The following RAB5B variants were observed in gnomAD, a reference collection of about 807,000 sequenced individuals.
The protein encoded by RAB5B is ras-related protein Rab-5B.
In RAB5B, 11 loss-of-function variants were observed where a neutral mutation model predicts 28.6. The observed-to-expected ratio is 0.38, with a 90% CI of 0.24 to 0.64. The LOEUF is 0.64. RAB5B is among the 30% of genes least tolerant of loss of function. RAB5B has a pLI of 0.53. For missense variants in RAB5B, 169 were observed against 265.6 expected (o/e 0.64, Z 2.53); for synonymous variants, 93 against 97.9 (o/e 0.95, Z 0.29).
chr12:55,985,364 G>T (rs539497464), intron 1 of RAB5B, among the ~76,000 whole-genome samples: 1 of 152,338 alleles, frequency 6.6e-6, no homozygotes, highest in East Asian at 1.9e-4. Context: ...TATGATGTCT[G>T]TGAAGTCACT....
At position 55,992,237 on chromosome 12, in the gene RAB5B, A is replaced by G. The variant is rs1158337419; in HGVS notation, c.*25A>G. 1.9e-6 allele frequency: 3 copies of G among 1,559,514 alleles called. No individual in the cohort carries two copies. Among genetic ancestry groups the G allele is most frequent in the East Asian group, 2.2e-5 (1 of 44,592 alleles). ...AGGGGGTGGCTAGCAGCAAACAAGT[A>G]TGGAGCTAGCACAAGAGCTAAGAAA... On this transcript the variant is annotated 3_prime_UTR_variant, in exon 6 of 6. Transcript: ENST00000360299.
chr12:55,991,695 G>A (rs537981406), intron 5 of RAB5B: 90 of 451,036 alleles, frequency 2.0e-4, no homozygotes, highest in Admixed American at 6.4e-4. Flanking sequence ...TTGGGAGGCC[G>A]AGGCGGGCGG....
chr12:55,979,930 C>A (rs1457142581), intron 1 of RAB5B, among the ~76,000 whole-genome samples: 1 of 152,146 alleles, frequency 6.6e-6, no homozygotes, highest in Non-Finnish European at 1.5e-5. Flanking sequence ...TAACACTTGA[C>A]AAGTTGACTA....
At position 55,992,188 on chromosome 12, in the gene RAB5B, C is replaced by T. The variant is rs778265148; in HGVS notation, c.624C>T (p.Asn208=). 6.2e-7 allele frequency: 1 copy of T among 1,611,686 alleles called. No individual in the cohort carries two copies. Among genetic ancestry groups the T allele is most frequent in the Non-Finnish European group, 8.5e-7 (1 of 1,179,186 alleles). The change falls in exon 6 of 6, where the codon AAC becomes AAT. Residue 208 remains asparagine (N), a synonymous_variant. Transcript: ENST00000360299. ...GVDLHEQSQQ[N]KSQCCSN is the part of the protein sequence containing the mutation. The stretch of plus-strand genomic sequence containing the variant: ...ATCTCCATGAACAGTCCCAGCAGAA[C>T]AAGAGCCAGTGTTGTAGCAACTGAG...
intron 2 of RAB5B, among the ~76,000 whole-genome samples, chr12:55,989,316 C>T (rs78897871): frequency 6.6e-6 from 1 of 152,184 alleles, no homozygotes; most frequent in East Asian, 1.9e-4. Flanking sequence ...CTCTTGTTGC[C>T]CAGGCTGAAG....
chr12:55,989,336 G>A (rs1329509528), intron 2 of RAB5B, among the ~76,000 whole-genome samples: 4 of 152,042 alleles, frequency 2.6e-5, no homozygotes, highest in African/African-American at 9.7e-5. Context: ...GTGCAGTGGC[G>A]CCATCTTGGC....
At chr12:55,979,765 A>G (rs999849900) in intron 1 of RAB5B, among the ~76,000 whole-genome samples, 1 of 152,114 alleles carries the variant, frequency 6.6e-6, no homozygotes, top group African/African-American at 2.4e-5. Context: ...AACTGAATAG[A>G]GGCAGGAACT....
intron 1 of RAB5B, among the ~76,000 whole-genome samples, chr12:55,984,337 G>A (rs757580066): frequency 2.0e-5 from 3 of 151,926 alleles, no homozygotes; most frequent in Non-Finnish European, 4.4e-5. Flanking sequence ...CTACAGGCAC[G>A]CGCCACCACG....
Position 55,992,020 on chromosome 12 carries a change from C to T in RAB5B, c.533-77C>T, listed in dbSNP as rs528003623. On this transcript the variant is annotated intron_variant, in intron 5 of 5. Coordinates refer to ENST00000360299, the MANE Select transcript of RAB5B (RefSeq NM_002868.4). Reference sequence around the variant, plus strand: ...TCTCCCTTTTCCCCAATTCAGTAGCCGTTTTTGGCGGGTGGAGGCAGAGGG... The same window carrying T: ...TCTCCCTTTTCCCCAATTCAGTAGCTGTTTTTGGCGGGTGGAGGCAGAGGG... The T allele has an allele frequency of 1.4e-4, 143 of 1,039,692 alleles. 1 individual carries two copies. The highest frequency in any genetic ancestry group is 4.1e-4 in the Middle Eastern group (2 of 4,836). The allele number at this position is 1,039,692 out of a possible 1,614,324, so 64.4% of individuals were successfully genotyped here.
chr12:55,987,544 AC>A (rs1436949163), intron 2 of RAB5B, among the ~76,000 whole-genome samples: 1 of 151,902 alleles, frequency 6.6e-6, no homozygotes, highest in Non-Finnish European at 1.5e-5. Flanking sequence ...AGAAATGGAA[AC>A]CCTTTATAAA....
Position 55,986,892 on chromosome 12 carries a change from CT to C in RAB5B, c.-68del. 6 of 546,316 alleles carry C rather than the reference CT, an allele frequency of 1.1e-5. No individual in the cohort carries two copies. The highest frequency in any genetic ancestry group is 2.1e-5 in the Non-Finnish European group (6 of 285,014). The allele number at this position is 546,316 out of a possible 1,614,324, so 33.8% of individuals were successfully genotyped here. A position where few individuals can be genotyped will look rare whatever the true frequency, so the allele number is the denominator to read the frequency against. ...AGGAGTGTTGAAGCCTGGAAATCCC[CT>C]CCCCTTCCCCCTCCCCCCTTTACAG... On this transcript the variant is annotated 5_prime_UTR_variant, in exon 2 of 6. Transcript: ENST00000360299.
Position 55,995,992 on chromosome 12 carries a change from TA to T in RAB5B, c.*3781del, listed in dbSNP as rs1363455259. On this transcript the variant is annotated 3_prime_UTR_variant, in exon 6 of 6. Transcript: ENST00000360299. ...CTCTCCATATATATATACATATATA[TA>T]TATATATATATTTTTTTTTTAACAA... The T allele has an allele frequency of 4.2e-3, 470 of 112,882 alleles. 12 individuals carry two copies. The highest frequency in any genetic ancestry group is 0.014 in the African/African-American group (415 of 28,638). The allele number at this position is 112,882 out of a possible 1,614,324, so 7.0% of individuals were successfully genotyped here.
intron 5 of RAB5B, chr12:55,991,850 C>T: frequency 2.2e-6 from 1 of 459,660 alleles, no homozygotes; most frequent in Non-Finnish European, 4.0e-6. Context: ...TCACTTGAAC[C>T]CGGGAGGTGG....
At chr12:55,974,419 C>T (rs1279632761) in intron 1 of RAB5B, among the ~76,000 whole-genome samples, 1 of 152,138 alleles carries the variant, frequency 6.6e-6, no homozygotes, top group African/African-American at 2.4e-5. Context: ...TGAGTGAGGG[C>T]AGGGGCAGGC....
rs1306437249 is a variant in RAB5B at position 55,986,869 on chromosome 12, G to A, written c.-92G>A. 3.2e-6 allele frequency: 3 copies of A among 924,106 alleles called. No homozygotes were observed. Among genetic ancestry groups the A allele is most frequent in the Non-Finnish European group, 5.1e-6 (3 of 589,774 alleles). The allele number at this position is 924,106 out of a possible 1,614,324, so 57.2% of individuals were successfully genotyped here. A position where few individuals can be genotyped will look rare whatever the true frequency, so the allele number is the denominator to read the frequency against. On this transcript the variant is annotated splice_region_variant and 5_prime_UTR_variant, in exon 2 of 6. Coordinates refer to ENST00000360299, the MANE Select transcript of RAB5B (RefSeq NM_002868.4). ...TTTTATTCACTTTTTTTTCTTGCAG[G>A]AGTGTTGAAGCCTGGAAATCCCCTC...
intron 1 of RAB5B, chr12:55,980,695 C>T: frequency 1.3e-6 from 2 of 1,583,796 alleles, no homozygotes; most frequent in Non-Finnish European, 1.7e-6. Flanking sequence ...GGTGCTCCAC[C>T]CCAGCTGAGG....
chr12:55,980,562 C>T, intron 1 of RAB5B: 1 of 1,596,160 alleles, frequency 6.3e-7, no homozygotes. Context: ...GCCTCATCCA[C>T]ATTCATACTG....
intron 2 of RAB5B, among the ~76,000 whole-genome samples, chr12:55,989,473 C>T (rs1196950269): frequency 6.0e-5 from 9 of 150,066 alleles, no homozygotes; most frequent in East Asian, 2.0e-4. Flanking sequence ...CGGGTTTTGC[C>T]GTGTTGGCCA....
intron 1 of RAB5B, chr12:55,980,848 C>A: frequency 6.2e-7 from 1 of 1,607,308 alleles, no homozygotes; most frequent in South Asian, 1.1e-5. Context: ...CAGCTGTGTC[C>A]CAGACTTGTA....
Sources: gnomAD v4.1 joint callset for allele counts (sites outside exome capture counted in the v4.1 genomes callset) on GRCh38, gnomAD v4.1.1 for gene constraint, MANE v1.5 for transcripts, NCBI Gene and HGNC (gene_info 2026-07-23, HGNC 2026-07-21) for gene names.